The following TRPM1 variants were observed in gnomAD, a reference collection of about 807,000 sequenced individuals.
TRPM1 encodes transient receptor potential cation channel subfamily M member 1, also known as TRPM1-203 APA Isoform, Intron 10.
In TRPM1, 113 loss-of-function variants were observed where a neutral mutation model predicts 149.4. The observed-to-expected ratio is 0.76, with a 90% CI of 0.65 to 0.88. TRPM1 has a LOEUF of 0.88. TRPM1 is among the 40% of genes least tolerant of loss of function. The pLI is 0.00. For missense variants in TRPM1, 1,976 were observed against 2,038.7 expected (o/e 0.97, Z 0.59); for synonymous variants, 741 against 759.5 (o/e 0.98, Z 0.40).
At chr15:31,128,636 C>T (rs1172789829) in intron 1 of TRPM1, among the ~76,000 whole-genome samples, 2 of 152,168 alleles carry the variant, frequency 1.3e-5, no homozygotes, top group African/African-American at 2.4e-5. Flanking sequence ...ATGAAGCCAC[C>T]GCATCACTGA....
At chr15:31,049,235 G>T in intron 13 of TRPM1, 140 bp downstream of exon 13, 2 of 1,239,942 alleles carry the variant, frequency 1.6e-6, no homozygotes, top group Non-Finnish European at 2.3e-6. Flanking sequence ...AGCAGCAGGT[G>T]AGAAGTAGCC....
chr15:31,155,519 G>A (rs570921118), intron 1 of TRPM1, among the ~76,000 whole-genome samples: 9 of 152,298 alleles, frequency 5.9e-5, no homozygotes, highest in East Asian at 1.9e-4. Flanking sequence ...GCTCGCTTGC[G>A]AAGTATCAAA....
rs142442546 is a variant in TRPM1, at chr15:31,153,500, T to C, written c.54+7406A>G. Among the ~76,000 whole-genome samples, 43 of 152,234 alleles carry C rather than the reference T, an allele frequency of 2.8e-4. No homozygotes were observed. In the East Asian group the frequency reaches 7.0e-3, roughly 25 times the overall value. On this transcript the variant is annotated intron_variant, in intron 1 of 26. Coordinates refer to the TRPM1 transcript ENST00000542188. ...CCACCATGCCTAGCTAATTTTTGCA[T>C]TTTTAGTAGAGACAGGGTTTCACCA...
intron 1 of TRPM1, among the ~76,000 whole-genome samples, chr15:31,137,910 C>T (rs770323805): frequency 6.6e-6 from 1 of 152,110 alleles, no homozygotes; most frequent in African/African-American, 2.4e-5. Flanking sequence ...AAAAAACCTA[C>T]GGAAGTTTTC....
intron 1 of TRPM1, among the ~76,000 whole-genome samples, chr15:31,155,804 C>T (rs1366261133): frequency 1.3e-5 from 2 of 152,052 alleles, no homozygotes; most frequent in African/African-American, 4.8e-5. Flanking sequence ...GGAGTCATGC[C>T]TTACAGACCA....
intron 1 of TRPM1, among the ~76,000 whole-genome samples, chr15:31,116,166 G>T (rs7165641): frequency 6.6e-6 from 1 of 151,944 alleles, no homozygotes; most frequent in African/African-American, 2.4e-5. Flanking sequence ...ATACCAAACT[G>T]CAGCCCCCTC....
chr15:31,002,216 T>C lies in TRPM1; in HGVS notation c.4484A>G (p.Gln1495Arg). 6.2e-7 allele frequency: 1 copy of C among 1,614,262 alleles called. No individual in the cohort carries two copies. The highest frequency in any genetic ancestry group is 8.5e-7 in the Non-Finnish European group (1 of 1,180,050). The change falls in exon 28 of 28, where the codon CAA becomes CGA. Residue 1495 changes from glutamine to arginine, a missense_variant. This residue lies in a region of TRPM1 where 572 missense variants were observed against 578.9 expected (regional missense o/e 0.99). Coordinates refer to ENST00000256552, the MANE Select transcript of TRPM1 (RefSeq NM_001252024.2). The stretch of plus-strand genomic sequence containing the variant: ...ATGAGAGCGCGTGATCTTTTGAACT[T>C]GGCATTGCCATTCCGTCGTCAATTG... ...DQQLTTEWQC[Q>R]VQKITRSHST...
Position 31,038,073 on chromosome 15 carries a change from C to A in TRPM1, c.2410G>T (p.Asp804Tyr), listed in dbSNP as rs780364362. The change falls in exon 19 of 28, where the codon GAT becomes TAT. Residue 804 changes from aspartate to tyrosine, a missense_variant. By Grantham distance (160) the Asp-to-Tyr change is radical. Coordinates refer to ENST00000256552, the MANE Select transcript of TRPM1 (RefSeq NM_001252024.2). Reference protein sequence around the residue: ...FSYQTSKENEDGKEKEEENTD... With the variant: ...FSYQTSKENEYGKEKEEENTD... Reference sequence around the variant, plus strand: ...TTTTCCTCTTCTTTTTCTTTGCCATCCTCATTTTCCTTGGATGTTTGATAC... The same window carrying A: ...TTTTCCTCTTCTTTTTCTTTGCCATACTCATTTTCCTTGGATGTTTGATAC... The A allele has an allele frequency of 1.2e-6, 2 of 1,614,114 alleles. No homozygotes were observed. Among genetic ancestry groups the A allele is most frequent in the Admixed American group, 3.3e-5 (2 of 60,016 alleles).
rs1452891008 is a variant in TRPM1, at chr15:31,032,692, C to T, written c.2949G>A (p.Lys983=). ...CCCACAGGATGCCACTACTAACCATCTTTCCAATCATCATCACGTATGGCC... is the reference window on the plus strand; with the variant it reads ...CCCACAGGATGCCACTACTAACCATTTTTCCAATCATCATCACGTATGGCC... ...YLGPYVMMIG[K]MMIDMLYFVV... The change falls in exon 22 of 28, where the codon AAG becomes AAA. Residue 983 remains lysine, a synonymous_variant. Transcript: ENST00000256552. The T allele has an allele frequency of 5.0e-6, 8 of 1,614,166 alleles. 2 individuals are homozygous for T. The South Asian group carries it at 5.5e-5, about 11-fold the overall frequency.
chr15:31,031,381 C>T (rs2033071624), intron 22 of TRPM1: 2 of 592,958 alleles, frequency 3.4e-6, no homozygotes, highest in Non-Finnish European at 6.0e-6. Flanking sequence ...TTCATCTGCT[C>T]TTCATCCTTC....
intron 18 of TRPM1, 129 bp from the exon 19 acceptor site, chr15:31,038,295 T>C (rs1596006532): frequency 9.5e-7 from 1 of 1,051,350 alleles, no homozygotes; most frequent in Admixed American, 2.3e-5. Context: ...TTATCCCTGG[T>C]CTGACGTTCT....
At chr15:31,088,876 C>G (rs1006454371) in intron 1 of TRPM1, among the ~76,000 whole-genome samples, 2 of 3,450 alleles carry the variant, frequency 5.8e-4, no homozygotes, top group Non-Finnish European at 1.4e-3. Context: ...GACATTTGGC[C>G]CCCCCGAGCG....
At chr15:31,113,679 T>G (rs1041231891) in intron 1 of TRPM1, among the ~76,000 whole-genome samples, 2 of 151,896 alleles carry the variant, frequency 1.3e-5, no homozygotes, top group Non-Finnish European at 2.9e-5. Context: ...ACCCACGTTT[T>G]AAGACTACTG....
intron 10 of TRPM1, 145 bp downstream of exon 10, chr15:31,061,297 G>A (rs146062639): frequency 2.7e-5 from 21 of 771,994 alleles, no homozygotes; most frequent in African/African-American, 1.4e-4. Context: ...TCATTCTGCC[G>A]TGGCTTCATG....
Position 31,031,062 on chromosome 15 carries a change from G to A in TRPM1, c.3048C>T (p.Pro1016=), listed in dbSNP as rs2140909135. ...AGATGTTTCGGGCCAGTTTCCAAGA[G>A]GGCTTCTCCTCTGGATGCAGAATGG... ...RQAILHPEEK[P]SWKLARNIFY... The change falls in exon 23 of 28, where the codon CCC becomes CCT. Residue 1016 remains proline, a synonymous_variant. Transcript: ENST00000256552. The A allele has an allele frequency of 2.5e-6, 4 of 1,614,160 alleles. No individual in the cohort carries two copies. The highest frequency in any genetic ancestry group is 2.2e-5 in the South Asian group (2 of 91,068).
At chr15:31,038,189 T>C (rs2033488423) in intron 18 of TRPM1, 23 bp from the exon 19 acceptor site, 1 of 1,613,266 alleles carries the variant, frequency 6.2e-7, no homozygotes, top group Non-Finnish European at 8.5e-7. Context: ...AATTGATTTT[T>C]TAAGCTGTGG....
chr15:31,040,163 A>G lies in TRPM1; in HGVS notation c.2271T>C (p.Asp757=). 2 of 1,614,090 alleles carry G rather than the reference A, an allele frequency of 1.2e-6. No homozygotes were observed. Among genetic ancestry groups the G allele is most frequent in the Non-Finnish European group, 1.7e-6 (2 of 1,180,008 alleles). Residue 757 remains aspartate (D), a synonymous_variant, in exon 18 of 28, where the codon GAT becomes GAC. Coordinates refer to ENST00000256552, the MANE Select transcript of TRPM1 (RefSeq NM_001252024.2). This position sits in a 1 kb window ranked among gnomAD's most constrained non-coding sequence, Gnocchi z 4.2. ...GCATCCGCAGTCTTCCCATCCACAT[A>G]TCGGTCAGCAGCATCTGGCTGCAGG... The part of the protein sequence containing the change: ...AHTCSQMLLT[D]MWMGRLRMRK...
intron 16 of TRPM1, among the ~76,000 whole-genome samples, chr15:31,045,060 C>G (rs764504755): frequency 2.0e-4 from 31 of 152,090 alleles, no homozygotes; most frequent in Non-Finnish European, 3.7e-4. Flanking sequence ...ACAGGTGAGT[C>G]CACCAAACCT....
rs2140899138 is a variant in TRPM1, at chr15:31,026,237, C to T, written c.3531G>A (p.Leu1177=). The change falls in exon 27 of 28, where the codon CTG becomes CTA. Residue 1177 remains leucine (L), a synonymous_variant. Transcript: ENST00000256552. ...LFLSDEELKR[L]HEFEEQCVQE... is the part of the protein sequence containing the mutation. ...GCACGCACTGCTCCTCGAACTCATGCAGCCTCTTTAGCTCCTCGTCGCTAA... is the reference window on the plus strand; with the variant it reads ...GCACGCACTGCTCCTCGAACTCATGTAGCCTCTTTAGCTCCTCGTCGCTAA... 3 of 1,612,224 alleles carry T rather than the reference C, an allele frequency of 1.9e-6. No homozygotes were observed. The highest frequency in any genetic ancestry group is 2.2e-5 in the East Asian group (1 of 44,872).
Sources: allele counts gnomAD v4.1 joint callset (sites outside exome capture counted in the v4.1 genomes callset), GRCh38; gene constraint gnomAD v4.1.1; regional missense constraint gnomAD v4.1.1; non-coding constraint Gnocchi (gnomAD v3.1); transcripts MANE v1.5; gene names NCBI Gene and HGNC (gene_info 2026-07-23, HGNC 2026-07-21).